The following GRIA3 variants were observed in gnomAD, a reference collection of about 807,000 sequenced individuals.
The protein encoded by GRIA3 is glutamate receptor 3.
A neutral mutation model predicts 63.0 loss-of-function variants in GRIA3; 3 were observed. That is an observed-to-expected ratio of 0.05 (90% confidence interval 0.02 to 0.12). The LOEUF is 0.12. GRIA3 is among the 10% of genes least tolerant of loss of function. The probability of loss-of-function intolerance (pLI) is 1.00; values close to 1 mark genes in which losing one functional copy is unlikely to be tolerated. For synonymous variants in GRIA3, 274 were observed against 257.9 expected (o/e 1.06, Z -0.60); for missense variants, 347 against 700.9 (o/e 0.50, Z 5.70).
chrX:123,304,684 A>T (rs1353107614), intron 3 of GRIA3, among the ~76,000 whole-genome samples: 1 of 111,772 alleles, frequency 8.9e-6, no homozygotes, highest in Admixed American at 9.5e-5. Context: ...GACAACTCCC[A>T]TGTAAGAAGA....
At chrX:123,361,648 C>T (rs773708769) in intron 5 of GRIA3, among the ~76,000 whole-genome samples, 4 of 111,604 alleles carry the variant, frequency 3.6e-5, no homozygotes, top group Non-Finnish European at 7.5e-5. Flanking sequence ...GACTCCTATT[C>T]TCTCTCTCCC....
rs774776519 is a variant in GRIA3, at chrX:123,366,484, T to C, written c.750+11521T>C. Among the ~76,000 whole-genome samples, 11 of 111,829 alleles carry C rather than the reference T, an allele frequency of 9.8e-5. No homozygotes were observed. The South Asian group carries it at 3.8e-3, about 38-fold the overall frequency. ...GCTCAGTCAAAATGCTGACTTGGTA[T>C]GTCAAGGGCCATTTATAACTCTTGA... On this transcript the variant is annotated intron_variant, in intron 5 of 15. Coordinates refer to ENST00000620443, the MANE Select transcript of GRIA3 (RefSeq NM_007325.5).
chrX:123,451,394 T>G (rs2045729657), intron 12 of GRIA3, among the ~76,000 whole-genome samples: 1 of 104,551 alleles, frequency 9.6e-6, no homozygotes, highest in Admixed American at 1.1e-4. Context: ...TAGTACCAGT[T>G]ACTCAAGAGG....
chrX:123,401,319 A>G (rs966756290), intron 7 of GRIA3, among the ~76,000 whole-genome samples: 1 of 111,964 alleles, frequency 8.9e-6, no homozygotes, highest in African/African-American at 3.2e-5. Flanking sequence ...TTAGAAATAG[A>G]CAACTCTTAA....
intron 5 of GRIA3, among the ~76,000 whole-genome samples, chrX:123,393,231 A>T (rs1603131092): frequency 8.9e-6 from 1 of 112,643 alleles, no homozygotes; most frequent in South Asian, 3.7e-4. Context: ...CTGTTTCACT[A>T]AAATGTTTTC....
intron 3 of GRIA3, among the ~76,000 whole-genome samples, chrX:123,274,556 T>C (rs1173908279): frequency 8.9e-6 from 1 of 112,628 alleles, no homozygotes; most frequent in Middle Eastern, 4.2e-3. Flanking sequence ...CCTCCTCCCA[T>C]CTGCTATGCT....
intron 3 of GRIA3, among the ~76,000 whole-genome samples, chrX:123,256,556 G>T (rs1415734870): frequency 8.9e-6 from 1 of 111,819 alleles, no homozygotes. Flanking sequence ...ATGTCGTATG[G>T]TTGAGGAACT....
rs2045917296 is a variant in GRIA3, at chrX:123,482,602, A to G, written c.2440-197A>G. The G allele has an allele frequency of 8.4e-6, 4 of 475,827 alleles. No homozygotes were observed. In the South Asian group the frequency reaches 1.2e-4, roughly 14 times the overall value. 39.2% of individuals were successfully genotyped at this position (475,827 alleles called of 1,213,427 possible). ...AAAGGACATTTAGGTGAGGATCAAG[A>G]CTGTTAACAGAGGCACAATCTACCG... On this transcript the variant is annotated intron_variant, in intron 14 of 15. Coordinates refer to ENST00000620443, the MANE Select transcript of GRIA3 (RefSeq NM_007325.5).
At chrX:123,269,864 T>C (rs925484136) in intron 3 of GRIA3, among the ~76,000 whole-genome samples, 2 of 112,135 alleles carry the variant, frequency 1.8e-5, no homozygotes, top group African/African-American at 6.5e-5. Flanking sequence ...GGCATATATT[T>C]TGGAGAATCA....
rs1188011745 is a variant in GRIA3 at position 123,298,921 on chromosome X, G to A, written c.509-27105G>A. On this transcript the variant is annotated intron_variant, in intron 3 of 15. Coordinates refer to ENST00000620443, the MANE Select transcript of GRIA3 (RefSeq NM_007325.5). ...GTTAATTTTTTTTATGGTGTAAGGAGTCCAGTTTCAATCTTCTGCATATGG... is the reference window on the plus strand; with the variant it reads ...GTTAATTTTTTTTATGGTGTAAGGAATCCAGTTTCAATCTTCTGCATATGG... Among the ~76,000 whole-genome samples, 4 of 108,579 alleles carry A rather than the reference G, an allele frequency of 3.7e-5. No homozygotes were observed. In the Admixed American group the frequency reaches 3.9e-4, roughly 11 times the overall value. 94.3% of individuals were successfully genotyped at this position (108,579 alleles called of 115,157 possible).
intron 2 of GRIA3, among the ~76,000 whole-genome samples, chrX:123,231,869 G>A (rs1268440482): frequency 9.0e-6 from 1 of 111,338 alleles, no homozygotes; most frequent in Non-Finnish European, 1.9e-5. Flanking sequence ...CAGAAGTATG[G>A]GTGTGTAGTA....
At chrX:123,200,771 A>G (rs1473336198) in intron 2 of GRIA3, among the ~76,000 whole-genome samples, 1 of 111,354 alleles carries the variant, frequency 9.0e-6, no homozygotes, top group Non-Finnish European at 1.9e-5. Context: ...TGTAATAAAT[A>G]CTTGCTGACT....
rs1028303225 is a variant in GRIA3 at position 123,205,737 on chromosome X, T to C, written c.268+19747T>C. Among the ~76,000 whole-genome samples the C allele has an allele frequency of 2.7e-5, 3 of 112,002 alleles. No homozygotes were observed. In the Admixed American group the frequency reaches 2.8e-4, roughly 11 times the overall value. ...GCCAGTAAAGACCCTGAATCATCCA[T>C]AGAAAATTGAATTCTGTTCATTCTT... is the stretch of plus-strand genomic sequence containing the variant. On this transcript the variant is annotated intron_variant, in intron 2 of 15. Transcript: ENST00000620443.
At chrX:123,330,587 A>C (rs1325409498) in intron 4 of GRIA3, among the ~76,000 whole-genome samples, 1 of 112,043 alleles carries the variant, frequency 8.9e-6, no homozygotes, top group Non-Finnish European at 1.9e-5. Context: ...GGAAAGGCTA[A>C]ATGAGTTGGG....
In GRIA3 at chrX:123,246,711, T is replaced by G. The variant is rs181813216; in HGVS notation, c.269-6592T>G. On this transcript the variant is annotated intron_variant, in intron 2 of 15. Coordinates refer to ENST00000620443, the MANE Select transcript of GRIA3 (RefSeq NM_007325.5). ...CTTTGGGACTCAGACATGGACATCTTTTGGGGAGTCATTATTTTATCTACC... is the reference window on the plus strand; with the variant it reads ...CTTTGGGACTCAGACATGGACATCTGTTGGGGAGTCATTATTTTATCTACC... Among the ~76,000 whole-genome samples, 751 of 110,908 alleles carry G rather than the reference T, an allele frequency of 6.8e-3. 8 individuals are homozygous for G. Among genetic ancestry groups the G allele is most frequent in the African/African-American group, 0.024 (717 of 30,483 alleles).
chrX:123,283,754 C>T, intron 3 of GRIA3, among the ~76,000 whole-genome samples: 1 of 112,673 alleles, frequency 8.9e-6, no homozygotes, highest in Non-Finnish European at 1.9e-5. Context: ...CAGTCAGGAG[C>T]TTATAGATAA....
intron 5 of GRIA3, among the ~76,000 whole-genome samples, chrX:123,367,705 C>G (rs2027842): frequency 0.39 from 42,909 of 110,407 alleles, 6,271 homozygotes; most frequent in Middle Eastern, 0.56. Flanking sequence ...CCAAAGTGCA[C>G]GGATTACAGG....
At chrX:123,344,864 A>G (rs1369913467) in intron 4 of GRIA3, among the ~76,000 whole-genome samples, 1 of 111,343 alleles carries the variant, frequency 9.0e-6, no homozygotes, top group African/African-American at 3.3e-5. Flanking sequence ...AGATTTTCAA[A>G]GTGCATTTAT....
intron 3 of GRIA3, among the ~76,000 whole-genome samples, chrX:123,304,351 G>A: frequency 9.0e-6 from 1 of 111,372 alleles, no homozygotes; most frequent in Admixed American, 9.6e-5. Flanking sequence ...GGCTTTTAGT[G>A]TGTACATCTG....
Sources: allele counts gnomAD v4.1 joint callset (sites outside exome capture counted in the v4.1 genomes callset), GRCh38; gene constraint gnomAD v4.1.1; transcripts MANE v1.5; gene names NCBI Gene and HGNC (gene_info 2026-07-23, HGNC 2026-07-21).